SLC24A2: variants seen among roughly 807,000 people sequenced by gnomAD.
SLC24A2 encodes solute carrier family 24 member 2.
A neutral mutation model predicts 62.0 loss-of-function variants in SLC24A2; 36 were observed. That is an observed-to-expected ratio of 0.58 (90% CI 0.44 to 0.77). The LOEUF is 0.77. Among genes scored for constraint, SLC24A2 ranks in the 30% least tolerant of loss-of-function variants. The pLI is 0.00. For synonymous variants in SLC24A2, 358 were observed against 294.0 expected, an observed-to-expected ratio of 1.22 and a Z score of -2.23; for missense variants, 846 against 817.9, an observed-to-expected ratio of 1.03 and a Z score of -0.42.
intron 9 of SLC24A2, among the ~76,000 whole-genome samples, chr9:19,525,984 C>T (rs980471691): frequency 7.2e-5 from 11 of 152,110 alleles, no homozygotes; most frequent in African/African-American, 2.7e-4. Flanking sequence ...CCCATACCCA[C>T]TGGCAGTCAC....
the SLC24A2 span, among the ~76,000 whole-genome samples, chr9:19,878,862 A>G: frequency 6.6e-6 from 1 of 152,118 alleles, no homozygotes; most frequent in Middle Eastern, 3.2e-3. Context: ...AGAAACTAAT[A>G]TAATCTCCTT....
chr9:20,279,145 G>C, the SLC24A2 span, among the ~76,000 whole-genome samples: 1 of 152,172 alleles, frequency 6.6e-6, no homozygotes, highest in Non-Finnish European at 1.5e-5. Flanking sequence ...TCTCCAACTA[G>C]GTCCCTCCCA....
chr9:20,006,911 G>T, the SLC24A2 span, among the ~76,000 whole-genome samples: 5 of 152,148 alleles, frequency 3.3e-5, no homozygotes, highest in Non-Finnish European at 7.4e-5. Context: ...CTTCCTAAAA[G>T]CATTACTGTG....
At chr9:19,687,816 A>G (rs1372509911) in intron 2 of SLC24A2, among the ~76,000 whole-genome samples, 2 of 152,068 alleles carry the variant, frequency 1.3e-5, no homozygotes, top group East Asian at 1.9e-4. Flanking sequence ...TGGGTGACAA[A>G]TGCTCCAGTC....
the SLC24A2 span, among the ~76,000 whole-genome samples, chr9:20,088,670 C>T: frequency 6.6e-6 from 1 of 152,054 alleles, no homozygotes; most frequent in Non-Finnish European, 1.5e-5. Context: ...TTGGAGCAGA[C>T]CCCCCCAAAG....
chr9:20,057,951 T>A, the SLC24A2 span, among the ~76,000 whole-genome samples: 1 of 152,172 alleles, frequency 6.6e-6, no homozygotes, highest in Non-Finnish European at 1.5e-5. Flanking sequence ...CATGTTATTT[T>A]CCATTGGATT....
chr9:19,897,507 T>C, the SLC24A2 span, among the ~76,000 whole-genome samples: 1 of 152,202 alleles, frequency 6.6e-6, no homozygotes, highest in African/African-American at 2.4e-5. Context: ...TAAATATTAT[T>C]TAAAACAGTG....
At chr9:20,266,477 T>C in the SLC24A2 span, among the ~76,000 whole-genome samples, 9,456 of 152,198 alleles carry the variant, frequency 0.062, 574 homozygotes, top group African/African-American at 0.16. Flanking sequence ...CTCATAGTTA[T>C]AGTTCTTAGA....
chr9:20,051,666 T>G, the SLC24A2 span, among the ~76,000 whole-genome samples: 4 of 140,012 alleles, frequency 2.9e-5, no homozygotes, highest in African/African-American at 1.1e-4. Context: ...TCTTTTTTTT[T>G]TTTTTTTTTT....
At chr9:19,975,829 C>T in the SLC24A2 span, among the ~76,000 whole-genome samples, 3 of 151,920 alleles carry the variant, frequency 2.0e-5, no homozygotes, top group Admixed American at 6.6e-5. Flanking sequence ...GGGCCTGCAT[C>T]CTCAGATTCA....
At chr9:20,102,428 T>TG in the SLC24A2 span, among the ~76,000 whole-genome samples, 3 of 126,366 alleles carry the variant, frequency 2.4e-5, no homozygotes, top group East Asian at 7.1e-4. Flanking sequence ...CACTCCTAAG[T>TG]GGGAGTTGAA....
the SLC24A2 span, among the ~76,000 whole-genome samples, chr9:20,239,669 A>G: frequency 2.0e-5 from 3 of 152,256 alleles, no homozygotes; most frequent in African/African-American, 7.2e-5. Flanking sequence ...AGGATCCATC[A>G]TAAGACTTGG....
chr9:19,619,483 G>A (rs1018630164), intron 4 of SLC24A2, 101 bp downstream of exon 4: 15 of 915,886 alleles, frequency 1.6e-5, no homozygotes, highest in Admixed American at 1.4e-4. Context: ...GAGGAGGCTG[G>A]CAGGCGTGCA....
At chr9:20,026,077 G>GAAA in the SLC24A2 span, among the ~76,000 whole-genome samples, 1 of 152,104 alleles carries the variant, frequency 6.6e-6, no homozygotes, top group Non-Finnish European at 1.5e-5. Flanking sequence ...TGGTCAAATT[G>GAAA]CATATTTTTT....
chr9:19,900,613 G>T, the SLC24A2 span, among the ~76,000 whole-genome samples: 1 of 152,138 alleles, frequency 6.6e-6, no homozygotes, highest in African/African-American at 2.4e-5. Flanking sequence ...TATTTTAAAG[G>T]ATAATTGTTA....
intron 2 of SLC24A2, among the ~76,000 whole-genome samples, chr9:19,763,900 T>C (rs990482274): frequency 1.9e-4 from 29 of 152,178 alleles, no homozygotes; most frequent in African/African-American, 6.8e-4. Context: ...CCAGCTCCTC[T>C]TTGTACCTCT....
the SLC24A2 span, among the ~76,000 whole-genome samples, chr9:20,131,500 C>T: frequency 1.3e-5 from 2 of 152,246 alleles, no homozygotes; most frequent in South Asian, 4.1e-4. Flanking sequence ...GAAGATGCCC[C>T]ACACAGATTT....
chr9:19,851,028 T>TATATATATATATATA, the SLC24A2 span, among the ~76,000 whole-genome samples: 7 of 61,300 alleles, frequency 1.1e-4, no homozygotes, highest in South Asian at 3.4e-3. Context: ...TATATACATA[T>TATATATATATATATA]TTTTTTTTTT....
In SLC24A2 at chr9:19,655,060, C is replaced by T. The variant is rs183911835; in HGVS notation, c.931-32761G>A. Among the ~76,000 whole-genome samples, 313 of 152,286 alleles carry T rather than the reference C, an allele frequency of 2.1e-3. 6 individuals are homozygous for T. The highest frequency in any genetic ancestry group is 1.6e-3 in the Non-Finnish European group (107 of 68,004). ...TTGTAGACAGATAATGTAGACAAAA[C>T]AAAACAATTTTTAGGTAATGCCCAA... On this transcript the variant is annotated intron_variant, in intron 2 of 10. Coordinates refer to ENST00000341998, the MANE Select transcript of SLC24A2 (RefSeq NM_020344.4).
Sources: allele counts gnomAD v4.1 joint callset (sites outside exome capture counted in the v4.1 genomes callset), GRCh38; gene constraint gnomAD v4.1.1; transcripts MANE v1.5; gene names NCBI Gene and HGNC (gene_info 2026-07-23, HGNC 2026-07-21).